EFCAB13: variants seen among roughly 807,000 people sequenced by gnomAD.
EFCAB13 encodes the protein EF-hand calcium-binding domain-containing protein 13.
Under a neutral mutation model 110.2 loss-of-function variants are expected in EFCAB13, and 91 were observed. The ratio of observed to expected loss-of-function variants is 0.83; its 90% confidence interval spans 0.70 to 0.98. The LOEUF (loss-of-function observed/expected upper bound fraction) is 0.98, where lower values mean the gene tolerates loss of function less well. EFCAB13 is among the 50% of genes least tolerant of loss of function. The probability of loss-of-function intolerance (pLI) is 0.00; values close to 1 mark genes in which losing one functional copy is unlikely to be tolerated. For missense variants in EFCAB13, 968 were observed against 1,119.4 expected (o/e 0.86, Z 1.93); for synonymous variants, 323 against 369.9 (o/e 0.87, Z 1.45).
At chr17:47,434,360 G>A (rs1372539230) in intron 24 of EFCAB13, among the ~76,000 whole-genome samples, 1 of 151,972 alleles carries the variant, frequency 6.6e-6, no homozygotes, top group Non-Finnish European at 1.5e-5. Flanking sequence ...AACCAAGGAG[G>A]TGAAAGATCT....
Position 47,345,894 on chromosome 17 carries a change from C to G in EFCAB13, c.517+796C>G, listed in dbSNP as rs1014490735. On this transcript the variant is annotated intron_variant, in intron 8 of 24. Coordinates refer to ENST00000331493, the MANE Select transcript of EFCAB13 (RefSeq NM_152347.5). ...TGTTTCCTTTGGTATCTATTCCAAA[C>G]CTTCACTACTCTCCTCAAATACTCA... 4.7e-4 allele frequency among the ~76,000 whole-genome samples: 71 copies of G among 152,014 alleles called. 1 individual carries two copies. Among genetic ancestry groups the G allele is most frequent in the African/African-American group, 1.6e-3 (66 of 41,420 alleles).
chr17:47,362,960 C>T (rs570721875), intron 10 of EFCAB13, among the ~76,000 whole-genome samples: 18 of 152,246 alleles, frequency 1.2e-4, no homozygotes, highest in South Asian at 2.1e-4. Flanking sequence ...AGTGGTACCC[C>T]GGGCCCAGCT....
At chr17:47,383,776 G>T (rs1388258839) in intron 14 of EFCAB13, among the ~76,000 whole-genome samples, 1 of 152,144 alleles carries the variant, frequency 6.6e-6, no homozygotes, top group Non-Finnish European at 1.5e-5. Context: ...GTCAATTTTA[G>T]AATAAGTGCG....
chr17:47,381,359 A>G (rs531979119), intron 14 of EFCAB13, among the ~76,000 whole-genome samples: 2 of 152,232 alleles, frequency 1.3e-5, no homozygotes, highest in South Asian at 4.1e-4. Context: ...TAGTTTAATT[A>G]GATCCCATTT....
chr17:47,426,173 T>G (rs10514928), intron 23 of EFCAB13, among the ~76,000 whole-genome samples: 1 of 152,130 alleles, frequency 6.6e-6, no homozygotes, highest in Non-Finnish European at 1.5e-5. Context: ...AAACTGAAGA[T>G]GGACTCTATT....
Position 47,374,880 on chromosome 17 carries a change from C to T in EFCAB13, c.1286C>T (p.Pro429Leu). ...SLDKSDISSI[P>L]KLQKPAVRKH... ...GATAAAAGTGATATTTCTAGTATCC[C>T]AAAACTTCAGAAGCCAGCTGTAAGA... The change falls in exon 12 of 25, where the codon CCA becomes CTA. Residue 429 changes from proline to leucine, a missense_variant. Coordinates refer to ENST00000331493, the MANE Select transcript of EFCAB13 (RefSeq NM_152347.5). 1 of 1,610,904 alleles carries T rather than the reference C, an allele frequency of 6.2e-7. No homozygotes were observed. The highest frequency in any genetic ancestry group is 8.5e-7 in the Non-Finnish European group (1 of 1,179,164).
At position 47,400,683 on chromosome 17, in the gene EFCAB13, TCCTTC is replaced by T. The variant is rs570565420; in HGVS notation, c.1946-1427_1946-1423del. On this transcript the variant is annotated intron_variant, in intron 17 of 24. Transcript: ENST00000331493. ...CCTTCTCCTCCCCTCCCCTTCCCTC[TCCTTC>T]CCTTCCCTTCCCTTCCCTTCCTTCC... Among the ~76,000 whole-genome samples the T allele has an allele frequency of 4.1e-3, 547 of 134,878 alleles. 1 individual carries two copies. The highest frequency in any genetic ancestry group is 0.015 in the Middle Eastern group (4 of 272). The allele number at this position is 134,878 out of a possible 152,430, so 88.5% of individuals were successfully genotyped here.
In EFCAB13 at chr17:47,374,673, C is replaced by A; in HGVS notation, c.1079C>A (p.Pro360Gln). Residue 360 changes from proline to glutamine, a missense_variant, in exon 12 of 25, where the codon CCA becomes CAA. Physicochemically the swap from Pro to Gln is moderately conservative, Grantham distance 76 (BLOSUM62 -1). Coordinates refer to ENST00000331493, the MANE Select transcript of EFCAB13 (RefSeq NM_152347.5). ...MENDDLESKR[P>Q]KNTWQIRKFL... is the part of the protein sequence containing the mutation. ...AATGATGACCTTGAATCTAAAAGAC[C>A]AAAAAATACTTGGCAAATAAGAAAA... The A allele has an allele frequency of 1.9e-6, 3 of 1,609,408 alleles. No homozygotes were observed. The highest frequency in any genetic ancestry group is 2.5e-6 in the Non-Finnish European group (3 of 1,178,316).
intron 5 of EFCAB13, among the ~76,000 whole-genome samples, chr17:47,339,338 T>A (rs1210390746): frequency 6.6e-6 from 1 of 152,130 alleles, no homozygotes; most frequent in East Asian, 1.9e-4. Context: ...TGGGAGATAA[T>A]TTTTCCATGG....
rs1479529242 is a variant in EFCAB13, at chr17:47,335,242, C to T, written c.77C>T (p.Ala26Val). Reference protein sequence around the residue: ...DLLDDGSNSFATDLSSGTINH... With the variant: ...DLLDDGSNSFVTDLSSGTINH... ...TTAGATGATGGCTCTAATTCTTTTG[C>T]AACTGACTTGTCATCAGGAACTATT... Residue 26 changes from alanine (A) to valine (V), a missense_variant, in exon 5 of 25, where the codon GCA becomes GTA. Transcript: ENST00000331493. 6.2e-7 allele frequency: 1 copy of T among 1,610,208 alleles called. No individual in the cohort carries two copies. The highest frequency in any genetic ancestry group is 1.7e-5 in the Admixed American group (1 of 59,308).
intron 16 of EFCAB13, 126 bp from the exon 17 acceptor site, chr17:47,395,708 T>C (rs2065733156): frequency 1.6e-6 from 1 of 630,478 alleles, no homozygotes; most frequent in Non-Finnish European, 2.4e-6. Flanking sequence ...TGGCAATTCA[T>C]TTATGCTATA....
At chr17:47,330,067 A>G (rs1369295035) in intron 4 of EFCAB13, among the ~76,000 whole-genome samples, 1 of 152,134 alleles carries the variant, frequency 6.6e-6, no homozygotes, top group Non-Finnish European at 1.5e-5. Flanking sequence ...TCAAAGACTC[A>G]GGACTAATGC....
At chr17:47,370,537 T>C (rs2065576078) in intron 11 of EFCAB13, 29 bp downstream of exon 11, 2 of 1,486,326 alleles carry the variant, frequency 1.3e-6, no homozygotes, top group African/African-American at 1.4e-5. Flanking sequence ...CTATGACAAG[T>C]TTTGTTTATA....
At chr17:47,330,800 C>T (rs920065778) in intron 4 of EFCAB13, among the ~76,000 whole-genome samples, 5 of 150,926 alleles carry the variant, frequency 3.3e-5, no homozygotes, top group Admixed American at 1.3e-4. Context: ...ACTTTTTTTT[C>T]CCTTTGGGTA....
intron 23 of EFCAB13, among the ~76,000 whole-genome samples, chr17:47,427,135 G>A (rs1032815910): frequency 6.6e-6 from 1 of 152,050 alleles, no homozygotes; most frequent in African/African-American, 2.4e-5. Context: ...AAGTTACAAA[G>A]TCAAGAGATG....
chr17:47,438,552 G>A lies in EFCAB13; in HGVS notation c.2639-1879G>A, dbSNP rs145588006. On this transcript the variant is annotated intron_variant, in intron 24 of 24. Transcript: ENST00000331493. The stretch of plus-strand genomic sequence containing the variant: ...GAGTTAATTAGAAGAACTTATCTTC[G>A]AGCTCTGAATTTCCTTCTTCTACTT... Among the ~76,000 whole-genome samples, 72 of 143,392 alleles carry A rather than the reference G, an allele frequency of 5.0e-4. 1 individual carries two copies. The highest frequency in any genetic ancestry group is 1.7e-3 in the African/African-American group (66 of 38,304). The allele number at this position is 143,392 out of a possible 152,430, so 94.1% of individuals were successfully genotyped here.
chr17:47,353,824 C>A (rs1037462368), intron 9 of EFCAB13, among the ~76,000 whole-genome samples: 3 of 152,166 alleles, frequency 2.0e-5, no homozygotes, highest in Non-Finnish European at 4.4e-5. Flanking sequence ...TCCTGGTTCT[C>A]TTTTATCTAC....
intron 10 of EFCAB13, among the ~76,000 whole-genome samples, chr17:47,368,739 CATA>C (rs1567789655): frequency 6.6e-6 from 1 of 152,042 alleles, no homozygotes; most frequent in Non-Finnish European, 1.5e-5. Context: ...TTGTCTTTTC[CATA>C]ATAAGTATAG....
intron 14 of EFCAB13, among the ~76,000 whole-genome samples, chr17:47,380,959 T>C (rs186396794): frequency 6.7e-6 from 1 of 150,110 alleles, no homozygotes; most frequent in Admixed American, 6.7e-5. Context: ...CTTGGCTCAC[T>C]GCAACCTTTG....
Sources: allele counts gnomAD v4.1 joint callset (sites outside exome capture counted in the v4.1 genomes callset), GRCh38; gene constraint gnomAD v4.1.1; transcripts MANE v1.5; gene names NCBI Gene and HGNC (gene_info 2026-07-23, HGNC 2026-07-21).